Variants in STAU2 observed in about 807,000 individuals in gnomAD.
STAU2 encodes double-stranded RNA-binding protein Staufen homolog 2.
STAU2 carries 20 observed loss-of-function variants against 65.9 expected under a neutral mutation model. The observed-to-expected ratio is 0.30, with a 90% CI of 0.21 to 0.44. STAU2 has a LOEUF of 0.44. STAU2 is among the 20% of genes least tolerant of loss of function. The probability of loss-of-function intolerance (pLI) is 1.00; values close to 1 mark genes in which losing one functional copy is unlikely to be tolerated. For synonymous variants in STAU2, 232 were observed against 233.9 expected, an observed-to-expected ratio of 0.99 and a Z score of 0.07; for missense variants, 558 against 683.9, an observed-to-expected ratio of 0.82 and a Z score of 2.05.
chr8:73,615,749 T>G lies in STAU2; in HGVS notation c.604A>C (p.Lys202Gln). The change falls in exon 8 of 15, where the codon AAA becomes CAA. Residue 202 changes from lysine (K) to glutamine (Q), a missense_variant. This residue lies in a region of STAU2 where 199 missense variants were observed against 299.5 expected (regional missense o/e 0.66). Coordinates refer to ENST00000524300, the MANE Select transcript of STAU2 (RefSeq NM_001164380.2). ...CTGATCTCAGACTTATTTGCATCTT[T>G]GTCATCATCCACATCCTTTCCTGAT... ...GESGKDVDDD[K>Q]DANKSEISLV... The G allele has an allele frequency of 6.2e-7, 1 of 1,613,730 alleles. No homozygotes were observed. The highest frequency in any genetic ancestry group is 2.2e-5 in the East Asian group (1 of 44,858).
intron 3 of STAU2, among the ~76,000 whole-genome samples, chr8:73,714,229 C>G (rs1264840522): frequency 6.6e-6 from 1 of 152,158 alleles, no homozygotes; most frequent in African/African-American, 2.4e-5. Flanking sequence ...TGTCTCTTTA[C>G]TGGTTCCCCT....
rs1170728332 is a variant in STAU2 at position 73,421,345 on chromosome 8, G to A, written c.*27C>T. ...CGTGCTGACAGGTTTATAAGGATGC[G>A]GTGGCAGCCGCGGGTTCTGGGAGCT... On this transcript the variant is annotated 3_prime_UTR_variant, in exon 15 of 15. Transcript: ENST00000524300. 34 of 1,533,302 alleles carry A rather than the reference G, an allele frequency of 2.2e-5. No individual in the cohort carries two copies. The highest frequency in any genetic ancestry group is 2.4e-5 in the East Asian group (1 of 40,914). The allele number at this position is 1,533,302 out of a possible 1,614,324, so 95.0% of individuals were successfully genotyped here.
intron 10 of STAU2, among the ~76,000 whole-genome samples, chr8:73,599,474 T>C (rs17313060): frequency 0.16 from 23,603 of 152,102 alleles, 1,863 homozygotes; most frequent in African/African-American, 0.18. Context: ...ATCTGAAAAG[T>C]TGAATTGTTT....
At chr8:73,483,867 G>A (rs958541132) in intron 13 of STAU2, among the ~76,000 whole-genome samples, 1 of 152,122 alleles carries the variant, frequency 6.6e-6, no homozygotes, top group African/African-American at 2.4e-5. Context: ...ATCTAACATA[G>A]TGCTATATTT....
chr8:73,580,416 G>A (rs929085124), intron 12 of STAU2, among the ~76,000 whole-genome samples: 3 of 152,140 alleles, frequency 2.0e-5, no homozygotes, highest in African/African-American at 7.2e-5. Context: ...ATGTCAGTGA[G>A]GCAGCCAGCA....
intron 6 of STAU2, among the ~76,000 whole-genome samples, chr8:73,635,465 G>T (rs886838799): frequency 2.0e-5 from 3 of 152,092 alleles, no homozygotes; most frequent in Non-Finnish European, 4.4e-5. Context: ...AGTCATACTG[G>T]TTTGAAGACC....
intron 12 of STAU2, among the ~76,000 whole-genome samples, chr8:73,570,672 A>C (rs1809006254): frequency 6.6e-6 from 1 of 152,216 alleles, no homozygotes; most frequent in Non-Finnish European, 1.5e-5. Flanking sequence ...GCTGAAATGA[A>C]GGAAAAAATT....
chr8:73,654,559 G>A, intron 6 of STAU2, among the ~76,000 whole-genome samples: 1 of 133,974 alleles, frequency 7.5e-6, no homozygotes, highest in Middle Eastern at 4.1e-3. Flanking sequence ...AGGATCACTT[G>A]AGACCAGAAG....
At chr8:73,513,143 AT>A (rs1218012843) in intron 13 of STAU2, among the ~76,000 whole-genome samples, 1 of 151,786 alleles carries the variant, frequency 6.6e-6, no homozygotes, top group Non-Finnish European at 1.5e-5. Flanking sequence ...CTAACTCTGG[AT>A]TTTTATGTTC....
intron 13 of STAU2, among the ~76,000 whole-genome samples, chr8:73,455,007 G>A (rs1818987759): frequency 6.6e-6 from 1 of 152,166 alleles, no homozygotes. Flanking sequence ...CTCATGCTTA[G>A]AGATAGGATT....
chr8:73,633,639 G>A (rs190687991), intron 6 of STAU2, among the ~76,000 whole-genome samples: 1 of 152,226 alleles, frequency 6.6e-6, no homozygotes, highest in East Asian at 1.9e-4. Context: ...CTATATACCG[G>A]AAGTACATGA....
intron 12 of STAU2, among the ~76,000 whole-genome samples, chr8:73,572,127 C>T (rs182958699): frequency 7.9e-5 from 12 of 152,222 alleles, no homozygotes; most frequent in East Asian, 1.9e-4. Context: ...AACACCTCTA[C>T]GCAAATAAAC....
intron 4 of STAU2, among the ~76,000 whole-genome samples, chr8:73,700,413 T>TA (rs1481473840): frequency 6.6e-6 from 1 of 151,952 alleles, no homozygotes; most frequent in Non-Finnish European, 1.5e-5. Flanking sequence ...ATCTTATATT[T>TA]AAAAAAACCT....
intron 12 of STAU2, chr8:73,561,608 C>T: frequency 1.3e-5 from 6 of 447,138 alleles, no homozygotes; most frequent in South Asian, 9.7e-5. Flanking sequence ...CCTGATCTCT[C>T]AGCAGGAAGA....
intron 13 of STAU2, among the ~76,000 whole-genome samples, chr8:73,524,498 T>C (rs764635870): frequency 6.6e-6 from 1 of 152,188 alleles, no homozygotes; most frequent in Non-Finnish European, 1.5e-5. Flanking sequence ...CTGTTACCCT[T>C]TAATACAGCA....
intron 13 of STAU2, among the ~76,000 whole-genome samples, chr8:73,430,836 T>C (rs930107435): frequency 2.0e-5 from 3 of 152,222 alleles, no homozygotes; most frequent in African/African-American, 7.2e-5. Flanking sequence ...ATTATAAATA[T>C]GCTACATAAT....
In STAU2 at chr8:73,670,957, A is replaced by T. The variant is rs570837969; in HGVS notation, c.410+2150T>A. ...AAAAGCCAAATTTTTTAAAGCAGGA[A>T]AATTACAACAAACAAAATAGACTGA... is the stretch of plus-strand genomic sequence containing the variant. On this transcript the variant is annotated intron_variant, in intron 6 of 14. Coordinates refer to ENST00000524300, the MANE Select transcript of STAU2 (RefSeq NM_001164380.2). Among the ~76,000 whole-genome samples, 164 of 152,304 alleles carry T rather than the reference A, an allele frequency of 1.1e-3. 3 individuals are homozygous for T. The highest frequency in any genetic ancestry group is 3.4e-3 in the Middle Eastern group (1 of 294).
At chr8:73,513,655 T>A (rs889479385) in intron 13 of STAU2, among the ~76,000 whole-genome samples, 2 of 152,144 alleles carry the variant, frequency 1.3e-5, no homozygotes, top group African/African-American at 4.8e-5. Context: ...ATCTCCCTGA[T>A]AGATTTCTGG....
intron 13 of STAU2, among the ~76,000 whole-genome samples, chr8:73,482,050 G>A (rs560791456): frequency 1.6e-4 from 24 of 152,046 alleles, no homozygotes; most frequent in Non-Finnish European, 2.9e-4. Flanking sequence ...GATTCTTTTG[G>A]CTGCGGCTGG....
Sources: gnomAD v4.1 joint callset for allele counts (sites outside exome capture counted in the v4.1 genomes callset) on GRCh38, gnomAD v4.1.1 for gene constraint, gnomAD v4.1.1 regional missense constraint, MANE v1.5 for transcripts, NCBI Gene and HGNC (gene_info 2026-07-23, HGNC 2026-07-21) for gene names.